Variants in FTO observed in about 807,000 individuals in gnomAD.
FTO encodes the protein alpha-ketoglutarate-dependent dioxygenase FTO.
Under a neutral mutation model 63.9 loss-of-function variants are expected in FTO, and 47 were observed. That is an observed-to-expected ratio of 0.74 (90% CI 0.58 to 0.94). The LOEUF (loss-of-function observed/expected upper bound fraction) is 0.94. FTO is among the 40% of genes least tolerant of loss of function. The pLI is 0.00. For synonymous variants in FTO, 207 were observed against 224.4 expected (o/e 0.92, Z 0.69); for missense variants, 562 against 618.1 (o/e 0.91, Z 0.96).
chr16:53,720,055 G>T (rs2076001042), intron 1 of FTO, among the ~76,000 whole-genome samples: 1 of 151,984 alleles, frequency 6.6e-6, no homozygotes, highest in Non-Finnish European at 1.5e-5. Flanking sequence ...CACACAAATA[G>T]TAAGTAGCCT....
At chr16:53,883,742 C>T (rs971001289) in intron 6 of FTO, among the ~76,000 whole-genome samples, 1 of 151,834 alleles carries the variant, frequency 6.6e-6, no homozygotes, top group African/African-American at 2.4e-5. Flanking sequence ...AACCTCGGCC[C>T]CCTGGGGTTG....
At chr16:53,751,531 A>G (rs1427507718) in intron 1 of FTO, among the ~76,000 whole-genome samples, 1 of 152,212 alleles carries the variant, frequency 6.6e-6, no homozygotes, top group Non-Finnish European at 1.5e-5. Flanking sequence ...ACATTATTCT[A>G]AGTGAAAGCC....
At chr16:54,111,513 T>C (rs1483114509) in intron 8 of FTO, among the ~76,000 whole-genome samples, 1 of 152,206 alleles carries the variant, frequency 6.6e-6, no homozygotes, top group Non-Finnish European at 1.5e-5. Flanking sequence ...GATGATTGGC[T>C]TCTACGAAGC....
chr16:54,038,154 T>C (rs1245226054), intron 8 of FTO, among the ~76,000 whole-genome samples: 1 of 152,148 alleles, frequency 6.6e-6, no homozygotes, highest in Non-Finnish European at 1.5e-5. Context: ...ATGATCTTAG[T>C]AGAGACTTGG....
intron 8 of FTO, among the ~76,000 whole-genome samples, chr16:54,106,756 TATA>T (rs1244004262): frequency 1.2e-4 from 16 of 136,050 alleles, no homozygotes; most frequent in Middle Eastern, 8.1e-3. Context: ...TATATAATTG[TATA>T]ATAATAAATA....
chr16:53,914,356 AT>A lies in FTO; in HGVS notation c.1240-19619del, dbSNP rs572811615. 1.1e-3 allele frequency among the ~76,000 whole-genome samples: 164 copies of A among 148,870 alleles called. 1 individual carries two copies. Among genetic ancestry groups the A allele is most frequent in the African/African-American group, 3.7e-3 (152 of 40,582 alleles). On this transcript the variant is annotated intron_variant, in intron 7 of 8. Coordinates refer to ENST00000471389, the MANE Select transcript of FTO (RefSeq NM_001080432.3). ...AAATGACTGCATTTTTGTTGAAATA[AT>A]TTTTTTTTTGCAGATAAATAATTGT...
At position 53,886,288 on chromosome 16, in the gene FTO, C is replaced by T. The variant is rs561386577; in HGVS notation, c.1120-2544C>T. ...CTATTTCCAGAGTCACCATGGTTGG[C>T]GAGCCTTATCCATTCTGTCCTCTTC... is the stretch of plus-strand genomic sequence containing the variant. On this transcript the variant is annotated intron_variant, in intron 6 of 8. Coordinates refer to ENST00000471389, the MANE Select transcript of FTO (RefSeq NM_001080432.3). 2.6e-4 allele frequency among the ~76,000 whole-genome samples: 39 copies of T among 152,280 alleles called. No homozygotes were observed. The East Asian group carries it at 6.4e-3, about 25-fold the overall frequency.
intron 1 of FTO, among the ~76,000 whole-genome samples, chr16:53,789,035 T>C (rs1171970892): frequency 1.3e-5 from 2 of 152,248 alleles, no homozygotes; most frequent in Non-Finnish European, 2.9e-5. Flanking sequence ...TTGTTACTTA[T>C]AGTTATTATC....
chr16:54,048,126 T>TAAAAAAAAA (rs71380060), intron 8 of FTO, among the ~76,000 whole-genome samples: 3 of 56,430 alleles, frequency 5.3e-5, no homozygotes, highest in Admixed American at 4.0e-4. Flanking sequence ...AAAAAAAAAT[T>TAAAAAAAAA]AAAAAAAAAA....
chr16:53,831,874 A>G lies in FTO; in HGVS notation c.751+5383A>G, dbSNP rs146338719. Reference sequence around the variant, plus strand: ...GAGTGAGAGAAGAGGAAATGAAATGAAGACAAAGGGACAAGTAAATGGGTG... The same window carrying G: ...GAGTGAGAGAAGAGGAAATGAAATGGAGACAAAGGGACAAGTAAATGGGTG... On this transcript the variant is annotated intron_variant, in intron 3 of 8. Transcript: ENST00000471389. Among the ~76,000 whole-genome samples, 424 of 152,318 alleles carry G rather than the reference A, an allele frequency of 2.8e-3. 2 individuals carry two copies. Among genetic ancestry groups the G allele is most frequent in the African/African-American group, 9.9e-3 (410 of 41,572 alleles).
intron 1 of FTO, among the ~76,000 whole-genome samples, chr16:53,732,317 C>G (rs986087396): frequency 1.3e-5 from 2 of 152,214 alleles, no homozygotes; most frequent in African/African-American, 4.8e-5. Context: ...TCCCAAAGTG[C>G]TGGGATTACA....
chr16:53,711,619 C>T (rs372260488), intron 1 of FTO, among the ~76,000 whole-genome samples: 10 of 152,066 alleles, frequency 6.6e-5, no homozygotes, highest in African/African-American at 2.4e-4. Flanking sequence ...TTTTCAGAAA[C>T]ATTAAAACTG....
intron 8 of FTO, among the ~76,000 whole-genome samples, chr16:54,000,238 T>C (rs146749591): frequency 4.6e-4 from 70 of 152,288 alleles, no homozygotes; most frequent in African/African-American, 1.6e-3. Context: ...AGTTATTGCA[T>C]TGAGAAAAAC....
chr16:54,060,590 A>C (rs1442095099), intron 8 of FTO, among the ~76,000 whole-genome samples: 1 of 152,230 alleles, frequency 6.6e-6, no homozygotes, highest in Non-Finnish European at 1.5e-5. Flanking sequence ...GCTCTTAAAC[A>C]CTATTCTATA....
chr16:53,957,114 T>A (rs868659052), intron 8 of FTO, among the ~76,000 whole-genome samples: 9 of 152,320 alleles, frequency 5.9e-5, no homozygotes, highest in African/African-American at 2.2e-4. Flanking sequence ...TTTTTTCAAT[T>A]GAGGGCATAT....
At chr16:53,790,907 T>G (rs988666833) in intron 1 of FTO, among the ~76,000 whole-genome samples, 1 of 152,126 alleles carries the variant, frequency 6.6e-6, no homozygotes, top group African/African-American at 2.4e-5. Context: ...AAAGAAAGGA[T>G]GCAGATAGTG....
At chr16:53,997,591 G>A (rs1188072037) in intron 8 of FTO, among the ~76,000 whole-genome samples, 1 of 151,858 alleles carries the variant, frequency 6.6e-6, no homozygotes, top group African/African-American at 2.4e-5. Context: ...GGGAGTGGGG[G>A]GGTGGTGCAG....
chr16:53,959,920 TAGAG>T (rs1456129757), intron 8 of FTO, among the ~76,000 whole-genome samples: 1 of 152,038 alleles, frequency 6.6e-6, no homozygotes, highest in African/African-American at 2.4e-5. Flanking sequence ...CAAAGTGTGA[TAGAG>T]AGTGAATAAC....
intron 2 of FTO, among the ~76,000 whole-genome samples, chr16:53,820,266 C>G (rs916805463): frequency 6.6e-6 from 1 of 152,068 alleles, no homozygotes; most frequent in Non-Finnish European, 1.5e-5. Flanking sequence ...GCCTCGGCCT[C>G]CCAAAGTGCT....
Sources: gnomAD v4.1 joint callset for allele counts (sites outside exome capture counted in the v4.1 genomes callset) on GRCh38, gnomAD v4.1.1 for gene constraint, MANE v1.5 for transcripts, NCBI Gene and HGNC (gene_info 2026-07-23, HGNC 2026-07-21) for gene names.